The following TAF1L variants were observed in gnomAD, a reference collection of about 807,000 sequenced individuals.
The protein encoded by TAF1L is transcription initiation factor TFIID subunit 1-like.
Under a neutral mutation model 128.8 loss-of-function variants are expected in TAF1L, and 30 were observed. The ratio of observed to expected loss-of-function variants is 0.23; its 90% CI spans 0.17 to 0.32. The LOEUF (loss-of-function observed/expected upper bound fraction) is 0.32, where lower values mean the gene tolerates loss of function less well. Ranked by LOEUF, TAF1L falls within the 10% of genes least tolerant of loss-of-function variation. TAF1L has a pLI of 1.00. For missense variants in TAF1L, 2,099 were observed against 2,253.7 expected, an observed-to-expected ratio of 0.93 and a Z score of 1.39; for synonymous variants, 764 against 790.7, an observed-to-expected ratio of 0.97 and a Z score of 0.57.
In TAF1L at chr9:32,631,100, C is replaced by A. The variant is rs1259897660; in HGVS notation, c.4480G>T (p.Asp1494Tyr). Residue 1494 changes from aspartate to tyrosine, a missense_variant, in exon 1 of 1, where the codon GAT becomes TAT. This residue lies in a region of TAF1L where 404 missense variants were observed against 406.5 expected (regional missense o/e 0.99). Coordinates refer to ENST00000242310, the MANE Select transcript of TAF1L (RefSeq NM_153809.2). The surrounding 1 kb of genome is among the most constrained non-coding windows in gnomAD (Gnocchi z 4.1). ...SLTQISQSML[D>Y]LCDEKLKEKE... ...TCTTTAAGTTTTTCATCACAGAGAT[C>A]CAGCATGGATTGAGAGATCTGAGTC... 6.2e-7 allele frequency: 1 copy of A among 1,614,192 alleles called. No homozygotes were observed. Among genetic ancestry groups the A allele is most frequent in the Non-Finnish European group, 8.5e-7 (1 of 1,180,042 alleles).
chr9:32,634,672 G>A lies in TAF1L; in HGVS notation c.908C>T (p.Ser303Leu), dbSNP rs769902361. ...CCACAAAGACTTCTGGCTGACTTCT[G>A]ATTCTACTGAGCATTCCACCTCCTG... ...QIQEVECSVE[S>L]EVSQKSLWNY... The change falls in exon 1 of 1, where the codon TCA becomes TTA. Residue 303 changes from serine (S) to leucine (L), a missense_variant. By Grantham distance (145) the Ser-to-Leu change is moderately radical. Around this residue, in one of 4 missense-constraint regions of TAF1L, gnomAD observed 473 missense variants for 429.6 expected, o/e 1.10. Transcript: ENST00000242310. 6.2e-7 allele frequency: 1 copy of A among 1,614,134 alleles called. No homozygotes were observed. Among genetic ancestry groups the A allele is most frequent in the South Asian group, 1.1e-5 (1 of 91,072 alleles).
In TAF1L at chr9:32,631,796, G is replaced by C. The variant is rs761184027; in HGVS notation, c.3784C>G (p.Leu1262Val). The C allele has an allele frequency of 6.2e-7, 1 of 1,614,172 alleles. No individual in the cohort carries two copies. Among genetic ancestry groups the C allele is most frequent in the South Asian group, 1.1e-5 (1 of 91,076 alleles). The change falls in exon 1 of 1, where the codon CTT becomes GTT. Residue 1262 changes from leucine to valine, a missense_variant. Physicochemically the swap from Leu to Val is conservative, Grantham distance 32 (BLOSUM62 1). Around this residue, in one of 4 missense-constraint regions of TAF1L, gnomAD observed 1,213 missense variants for 1,391.4 expected, o/e 0.87. Coordinates refer to ENST00000242310, the MANE Select transcript of TAF1L (RefSeq NM_153809.2). This position sits in a 1 kb window ranked among gnomAD's most constrained non-coding sequence, Gnocchi z 4.1. The stretch of plus-strand genomic sequence containing the variant: ...GGCTTCTTCTCAGGAGGACCCTTAA[G>C]CTTCTCCTTTTCCTGGTTCCGCTTA... ...RLKRNQEKEK[L>V]KGPPEKKPKK...
rs1380893466 is a variant in TAF1L at position 32,633,881 on chromosome 9, T to G, written c.1699A>C (p.Ile567Leu). The change falls in exon 1 of 1, where the codon ATC becomes CTC. Residue 567 changes from isoleucine (I) to leucine (L), a missense_variant. This residue lies in a region of TAF1L where 1,213 missense variants were observed against 1,391.4 expected (regional missense o/e 0.87). Transcript: ENST00000242310. ...SRILLGKTGV[I>L]REEPQQNMSQ... ...ATGTTCTGCTGTGGTTCCTCCCTGA[T>G]GACACCTGTTTTGCCCAAGAGAATT... 2 of 1,614,120 alleles carry G rather than the reference T, an allele frequency of 1.2e-6. No individual in the cohort carries two copies. The highest frequency in any genetic ancestry group is 2.7e-5 in the African/African-American group (2 of 74,930).
chr9:32,632,528 A>G lies in TAF1L; in HGVS notation c.3052T>C (p.Ser1018Pro). The change falls in exon 1 of 1, where the codon TCC (serine) becomes CCC (proline). Residue 1018 changes from serine (S) to proline (P), a missense_variant. Ser to Pro is a moderately conservative substitution (Grantham distance 74, BLOSUM62 -1). This residue lies in a region of TAF1L where 1,213 missense variants were observed against 1,391.4 expected (regional missense o/e 0.87). Coordinates refer to ENST00000242310, the MANE Select transcript of TAF1L (RefSeq NM_153809.2). This position sits in a 1 kb window ranked among gnomAD's most constrained non-coding sequence, Gnocchi z 4.4. ...TGTDADLRRL[S>P]LKNAKQLLRK... The stretch of plus-strand genomic sequence containing the variant: ...AGAAGTTGCTTGGCATTTTTCAGGG[A>G]AAGGCGACGAAGGTCTGCATCTGTT... The G allele has an allele frequency of 6.2e-7, 1 of 1,614,216 alleles. No individual in the cohort carries two copies. Among genetic ancestry groups the G allele is most frequent in the African/African-American group, 1.3e-5 (1 of 75,050 alleles).
At position 32,632,297 on chromosome 9, in the gene TAF1L, C is replaced by G. The variant is rs1822527561; in HGVS notation, c.3283G>C (p.Val1095Leu). ...GATAAGACCTCAGTTGATGACAGAA[C>G]CTTGTTCTGTAGGTCAAAGATACGC... ...CQRIFDLQNK[V>L]LSSTEVLSTD... is the part of the protein sequence containing the mutation. The change falls in exon 1 of 1, where the codon GTT (valine) becomes CTT (leucine). Residue 1095 changes from valine to leucine, a missense_variant. Physicochemically the swap from Val to Leu is conservative, Grantham distance 32 (BLOSUM62 1). This residue lies in a region of TAF1L where 1,213 missense variants were observed against 1,391.4 expected (regional missense o/e 0.87). Coordinates refer to ENST00000242310, the MANE Select transcript of TAF1L (RefSeq NM_153809.2). This position sits in a 1 kb window ranked among gnomAD's most constrained non-coding sequence, Gnocchi z 4.4. 2 of 1,614,188 alleles carry G rather than the reference C, an allele frequency of 1.2e-6. No homozygotes were observed. The highest frequency in any genetic ancestry group is 8.5e-7 in the Non-Finnish European group (1 of 1,180,042).
chr9:32,632,518 T>A lies in TAF1L; in HGVS notation c.3062A>T (p.Asn1021Ile), dbSNP rs746088854. ...AAATTTACGTAGAAGTTGCTTGGCA[T>A]TTTTCAGGGAAAGGCGACGAAGGTC... ...DADLRRLSLK[N>I]AKQLLRKFGV... is the part of the protein sequence containing the mutation. Residue 1021 changes from asparagine (N) to isoleucine (I), a missense_variant, in exon 1 of 1, where the codon AAT (asparagine) becomes ATT (isoleucine). Around this residue, in one of 4 missense-constraint regions of TAF1L, gnomAD observed 1,213 missense variants for 1,391.4 expected, o/e 0.87. Transcript: ENST00000242310. This position sits in a 1 kb window ranked among gnomAD's most constrained non-coding sequence, Gnocchi z 4.4. 6.2e-7 allele frequency: 1 copy of A among 1,614,114 alleles called. No homozygotes were observed. Among genetic ancestry groups the A allele is most frequent in the African/African-American group, 1.3e-5 (1 of 74,936 alleles).
In TAF1L at chr9:32,631,071, T is replaced by C. The variant is rs372495555; in HGVS notation, c.4509A>G (p.Lys1503=). 1.2e-6 allele frequency: 2 copies of C among 1,614,212 alleles called. No individual in the cohort carries two copies. Among genetic ancestry groups the C allele is most frequent in the Non-Finnish European group, 1.7e-6 (2 of 1,180,034 alleles). The change falls in exon 1 of 1, where the codon AAA becomes AAG. Residue 1503 remains lysine, a synonymous_variant. Coordinates refer to ENST00000242310, the MANE Select transcript of TAF1L (RefSeq NM_153809.2). This position sits in a 1 kb window ranked among gnomAD's most constrained non-coding sequence, Gnocchi z 4.1. ...TCTCTAAGCGAGCTAATTTGTCTTC[T>C]TTCTCTTTAAGTTTTTCATCACAGA... The part of the protein sequence containing the change: ...LDLCDEKLKE[K]EDKLARLEKA...
Position 32,631,390 on chromosome 9 carries a change from C to T in TAF1L, c.4190G>A (p.Arg1397His), listed in dbSNP as rs139533090. Residue 1397 changes from arginine to histidine, a missense_variant, in exon 1 of 1, where the codon CGC becomes CAC. Physicochemically the swap from Arg to His is conservative, Grantham distance 29. Transcript: ENST00000242310. This position sits in a 1 kb window ranked among gnomAD's most constrained non-coding sequence, Gnocchi z 4.1. ...TGACAGCGTCACCATAGGGTCTGTG[C>T]GGCGTCGGTGGATGGACTTATGAGG... is the stretch of plus-strand genomic sequence containing the variant. ...NIPHKSIHRRRTDPMVTLSSI... is the reference protein window; with the variant it reads ...NIPHKSIHRRHTDPMVTLSSI... The T allele has an allele frequency of 5.5e-4, 882 of 1,614,104 alleles. 1 individual carries two copies. The highest frequency in any genetic ancestry group is 2.6e-3 in the Middle Eastern group (16 of 6,062).
rs1395625561 is a variant in TAF1L, at chr9:32,632,554, CCTGTCACTGTCTT to C, written c.3013_3025del (p.Lys1005GlufsTer11). 6.2e-7 allele frequency: 1 copy of C among 1,614,222 alleles called. No homozygotes were observed. The highest frequency in any genetic ancestry group is 1.7e-5 in the Admixed American group (1 of 60,034). On this transcript the variant is annotated frameshift_variant, in exon 1 of 1. Transcript: ENST00000242310. LOFTEE classifies it high-confidence loss of function. This position sits in a 1 kb window ranked among gnomAD's most constrained non-coding sequence, Gnocchi z 4.4. ...AAGGCGACGAAGGTCTGCATCTGTT[CCTGTCACTGTCTT>C]CTTCACTGCCTGTGGCTCTTTATCA...
chr9:32,635,006 G>T lies in TAF1L; in HGVS notation c.574C>A (p.Pro192Thr). The T allele has an allele frequency of 6.2e-7, 1 of 1,614,010 alleles. No homozygotes were observed. Among genetic ancestry groups the T allele is most frequent in the Non-Finnish European group, 8.5e-7 (1 of 1,180,016 alleles). ...ACTTTCTCTGAGGCCAAAAAGGAAG[G>T]GGCAATGATGGAGGGCAAGATGATG... is the stretch of plus-strand genomic sequence containing the variant. ...EDIILPSIIA[P>T]SFLASEKVDF... The change falls in exon 1 of 1, where the codon CCT (proline) becomes ACT (threonine). Residue 192 changes from proline to threonine, a missense_variant. Transcript: ENST00000242310.
chr9:32,630,539 C>T lies in TAF1L; in HGVS notation c.5041G>A (p.Ala1681Thr). The T allele has an allele frequency of 6.2e-7, 1 of 1,614,196 alleles. No individual in the cohort carries two copies. The highest frequency in any genetic ancestry group is 8.5e-7 in the Non-Finnish European group (1 of 1,180,048). ...TNTSLSTSRD[A>T]SVFQDESNLS... ...TTGCTCTCATCTTGAAATACAGAGGCATCTCGAGACGTACTGAGGGATGTG... is the reference window on the plus strand; with the variant it reads ...TTGCTCTCATCTTGAAATACAGAGGTATCTCGAGACGTACTGAGGGATGTG... The change falls in exon 1 of 1, where the codon GCC becomes ACC. Residue 1681 changes from alanine to threonine, a missense_variant. Transcript: ENST00000242310.
At position 32,631,657 on chromosome 9, in the gene TAF1L, G is replaced by A. The variant is rs1822519509; in HGVS notation, c.3923C>T (p.Pro1308Leu). Residue 1308 changes from proline to leucine, a missense_variant, in exon 1 of 1, where the codon CCT becomes CTT. Physicochemically the swap from Pro to Leu is moderately conservative, Grantham distance 98. Transcript: ENST00000242310. The surrounding 1 kb of genome is among the most constrained non-coding windows in gnomAD (Gnocchi z 4.1). ...CPLYYQTNVP[P>L]SKPVAMTEEQ... ...TTCTGTCATGGCAACAGGTTTCGAA[G>A]GTGGCACATTTGTTTGATAATAGAG... 6.2e-7 allele frequency: 1 copy of A among 1,614,162 alleles called. No individual in the cohort carries two copies.
Position 32,633,102 on chromosome 9 carries a change from T to C in TAF1L, c.2478A>G (p.Leu826=). The C allele has an allele frequency of 1.2e-6, 2 of 1,614,244 alleles. No individual in the cohort carries two copies. Among genetic ancestry groups the C allele is most frequent in the East Asian group, 2.2e-5 (1 of 44,890 alleles). The change falls in exon 1 of 1, where the codon CTA becomes CTG. Residue 826 remains leucine, a synonymous_variant. Coordinates refer to ENST00000242310, the MANE Select transcript of TAF1L (RefSeq NM_153809.2). The part of the protein sequence containing the change: ...RRANMHIRDF[L]QVFIYRLFWK... ...AGAAAAGGCGGTAAATAAAAACCTG[T>C]AGAAAGTCTCGAATATGCATATTGG...
chr9:32,632,812 C>G lies in TAF1L; in HGVS notation c.2768G>C (p.Gly923Ala). ...AKQRLKDAGYGEKSFFAPEEE... is the reference protein window; with the variant it reads ...AKQRLKDAGYAEKSFFAPEEE... ...TTCTGGGGCAAAAAAGGATTTCTCA[C>G]CATAGCCAGCATCCTTCAGTCGTTG... Residue 923 changes from glycine to alanine, a missense_variant, in exon 1 of 1, where the codon GGT becomes GCT. By Grantham distance (60) the Gly-to-Ala change is moderately conservative. Around this residue, in one of 4 missense-constraint regions of TAF1L, gnomAD observed 1,213 missense variants for 1,391.4 expected, o/e 0.87. Transcript: ENST00000242310. This position sits in a 1 kb window ranked among gnomAD's most constrained non-coding sequence, Gnocchi z 4.4. The G allele has an allele frequency of 6.2e-7, 1 of 1,614,248 alleles. No homozygotes were observed. Among genetic ancestry groups the G allele is most frequent in the Non-Finnish European group, 8.5e-7 (1 of 1,180,052 alleles).
At position 32,629,687 on chromosome 9, in the gene TAF1L, TCA is replaced by T. The variant is rs964702248; in HGVS notation, c.*410_*411del. 1.6e-5 allele frequency: 4 copies of T among 249,334 alleles called. No individual in the cohort carries two copies. The highest frequency in any genetic ancestry group is 9.1e-5 in the African/African-American group (4 of 43,970). 15.4% of individuals were successfully genotyped at this position (249,334 alleles called of 1,614,324 possible). The stretch of plus-strand genomic sequence containing the variant: ...TTTTCTTTTTTTTTGAGATGGAGTC[TCA>T]CTCTTTCGCCCAGGCTGGAGCGCAG... On this transcript the variant is annotated 3_prime_UTR_variant, in exon 1 of 1. Coordinates refer to ENST00000242310, the MANE Select transcript of TAF1L (RefSeq NM_153809.2).
In TAF1L at chr9:32,631,685, G is replaced by A. The variant is rs751100517; in HGVS notation, c.3895C>T (p.Pro1299Ser). The A allele has an allele frequency of 6.2e-7, 1 of 1,614,022 alleles. No homozygotes were observed. The highest frequency in any genetic ancestry group is 8.5e-7 in the Non-Finnish European group (1 of 1,180,002). Residue 1299 changes from proline (P) to serine (S), a missense_variant, in exon 1 of 1, where the codon CCC becomes TCC. By Grantham distance (74) the Pro-to-Ser change is moderately conservative. Around this residue, in one of 4 missense-constraint regions of TAF1L, gnomAD observed 1,213 missense variants for 1,391.4 expected, o/e 0.87. Transcript: ENST00000242310. This position sits in a 1 kb window ranked among gnomAD's most constrained non-coding sequence, Gnocchi z 4.1. ...GGCACATTTGTTTGATAATAGAGGG[G>A]GCAGAATTTGTTAGTCCTCATATGT... Reference protein sequence around the residue: ...IGHMRTNKFCPLYYQTNVPPS... With the variant: ...IGHMRTNKFCSLYYQTNVPPS...
rs1341892002 is a variant in TAF1L at position 32,630,782 on chromosome 9, T to C, written c.4798A>G (p.Lys1600Glu). ...DVNLILANSVKYNGPESQYTK... is the reference protein window; with the variant it reads ...DVNLILANSVEYNGPESQYTK... Reference sequence around the variant, plus strand: ...TACTGACTCTCAGGTCCATTATACTTAACACTGTTGGCAAGAATAAGGTTT... The same window carrying C: ...TACTGACTCTCAGGTCCATTATACTCAACACTGTTGGCAAGAATAAGGTTT... The change falls in exon 1 of 1, where the codon AAG becomes GAG. Residue 1600 changes from lysine to glutamate, a missense_variant. Lys to Glu is a moderately conservative substitution (Grantham distance 56). This residue lies in a region of TAF1L where 404 missense variants were observed against 406.5 expected (regional missense o/e 0.99). Coordinates refer to ENST00000242310, the MANE Select transcript of TAF1L (RefSeq NM_153809.2). The C allele has an allele frequency of 6.2e-7, 1 of 1,614,234 alleles. No individual in the cohort carries two copies. Among genetic ancestry groups the C allele is most frequent in the East Asian group, 2.2e-5 (1 of 44,892 alleles).
rs199906668 is a variant in TAF1L, at chr9:32,632,008, C to T, written c.3572G>A (p.Arg1191Gln). ...AACATACTCTTTCCCCTCTTCATCT[C>T]GAAATGTGCGATAAATCTTGAGACA... Reference protein sequence around the residue: ...GHCLKIYRTFRDEEGKEYVRC... With the variant: ...GHCLKIYRTFQDEEGKEYVRC... The change falls in exon 1 of 1, where the codon CGA (arginine) becomes CAA (glutamine). Residue 1191 changes from arginine (R) to glutamine (Q), a missense_variant. Arg to Gln is a conservative substitution (Grantham distance 43). This residue lies in a region of TAF1L where 1,213 missense variants were observed against 1,391.4 expected (regional missense o/e 0.87). Coordinates refer to ENST00000242310, the MANE Select transcript of TAF1L (RefSeq NM_153809.2). This position sits in a 1 kb window ranked among gnomAD's most constrained non-coding sequence, Gnocchi z 4.4. 188 of 1,614,170 alleles carry T rather than the reference C, an allele frequency of 1.2e-4. No individual in the cohort carries two copies. Among genetic ancestry groups the T allele is most frequent in the Admixed American group, 3.2e-4 (19 of 60,024 alleles).
Position 32,632,248 on chromosome 9 carries a change from G to C in TAF1L, c.3332C>G (p.Ala1111Gly). The C allele has an allele frequency of 6.2e-7, 1 of 1,614,162 alleles. No homozygotes were observed. Among genetic ancestry groups the C allele is most frequent in the Non-Finnish European group, 8.5e-7 (1 of 1,180,028 alleles). ...CATTTCTTCAAAGTCACTATCTTCAGCTGAGATGCTGTCTGTGTCAGTTGA... is the reference window on the plus strand; with the variant it reads ...CATTTCTTCAAAGTCACTATCTTCACCTGAGATGCTGTCTGTGTCAGTTGA... The part of the protein sequence containing the change: ...VLSTDTDSIS[A>G]EDSDFEEMGK... Residue 1111 changes from alanine to glycine, a missense_variant, in exon 1 of 1, where the codon GCT (alanine) becomes GGT (glycine). Transcript: ENST00000242310. The surrounding 1 kb of genome is among the most constrained non-coding windows in gnomAD (Gnocchi z 4.4).
Sources: gnomAD v4.1 joint callset for allele counts on GRCh38, gnomAD v4.1.1 for gene constraint, gnomAD v4.1.1 regional missense constraint, Gnocchi (gnomAD v3.1) non-coding constraint, MANE v1.5 for transcripts, NCBI Gene and HGNC (gene_info 2026-07-23, HGNC 2026-07-21) for gene names.